TEDC1: variants seen among roughly 807,000 people sequenced by gnomAD.
The protein encoded by TEDC1 is tubulin epsilon and delta complex 1, also known as tubulin epsilon and delta complex protein 1.
Under a neutral mutation model 59.9 loss-of-function variants are expected in TEDC1, and 54 were observed. The observed-to-expected ratio is 0.90, with a 90% CI of 0.72 to 1.13. TEDC1 has a LOEUF of 1.13. Among genes scored for constraint, TEDC1 ranks in the 50% most tolerant of loss-of-function variants. TEDC1 has a pLI of 0.00. For synonymous variants in TEDC1, 353 were observed against 298.1 expected (o/e 1.18, Z -1.90); for missense variants, 734 against 683.4 (o/e 1.07, Z -0.83).
At chr14:105,497,269 G>C in intron 6 of TEDC1, 88 bp from the exon 7 acceptor site, 4 of 1,308,492 alleles carry the variant, frequency 3.1e-6, no homozygotes, top group Non-Finnish European at 4.3e-6. Context: ...GTTGGGCCGG[G>C]TGTCGGCGCT....
chr14:105,493,814 G>A, intron 4 of TEDC1, 21 bp from the exon 5 acceptor site: 1 of 1,582,598 alleles, frequency 6.3e-7, no homozygotes, highest in Non-Finnish European at 8.6e-7. Context: ...CTCAGCCTGG[G>A]GTCTGCACTA....
At chr14:105,490,730 C>T (rs1595467812), upstream of TEDC1, 4 of 411,524 alleles carry the variant, frequency 9.7e-6, no homozygotes, top group East Asian at 1.7e-4. Flanking sequence ...CGCTGTGCGG[C>T]GCGGCGGGCT....
chr14:105,492,210 G>A lies in TEDC1; in HGVS notation c.330G>A (p.Leu110=), dbSNP rs1555439584. Residue 110 remains leucine (L), a synonymous_variant, in exon 3 of 9, where the codon CTG becomes CTA. Coordinates refer to ENST00000392523, the MANE Select transcript of TEDC1 (RefSeq NM_001367178.1). ...PEDGSQGSRE[L]LLALSWLLAR... ...ATGGCTCGCAGGGCAGTCGGGAGCT[G>A]CTGCTGGCTCTGTCCTGGCTCTTGG... The A allele has an allele frequency of 6.2e-7, 1 of 1,612,588 alleles. No homozygotes were observed. The highest frequency in any genetic ancestry group is 1.1e-5 in the South Asian group (1 of 91,088).
chr14:105,492,537 AG>A, intron 3 of TEDC1, 41 bp from the exon 4 acceptor site: 1 of 1,495,040 alleles, frequency 6.7e-7, no homozygotes, highest in South Asian at 1.2e-5. Flanking sequence ...TCTGGGGGGC[AG>A]GGTGGGGTGG....
intron 2 of TEDC1, among the ~76,000 whole-genome samples, 169 bp downstream of exon 2, chr14:105,491,869 TG>T (rs2084220533): frequency 6.6e-6 from 1 of 152,044 alleles, no homozygotes; most frequent in Non-Finnish European, 1.5e-5. Context: ...CGCCCCCTGA[TG>T]GGCCCTAGCT....
intron 3 of TEDC1, 36 bp downstream of exon 3, chr14:105,492,345 G>A (rs377676869): frequency 7.5e-6 from 12 of 1,594,038 alleles, no homozygotes; most frequent in African/African-American, 1.3e-5. Context: ...GCCAGCCCTG[G>A]TCTCAACTCC....
In TEDC1 at chr14:105,491,343, G is replaced by C; in HGVS notation, c.-33G>C. 1 of 1,461,956 alleles carries C rather than the reference G, an allele frequency of 6.8e-7. No homozygotes were observed. The highest frequency in any genetic ancestry group is 9.0e-7 in the Non-Finnish European group (1 of 1,111,872). 90.6% of individuals were successfully genotyped at this position (1,461,956 alleles called of 1,614,324 possible). On this transcript the variant is annotated 5_prime_UTR_variant, in exon 1 of 9. Transcript: ENST00000392523. Reference sequence around the variant, plus strand: ...ACGCAGGCCCCGGGCCGCGGCGGAGGCGGGCGATCCGAAAGAGGCTGGTGC... The same window carrying C: ...ACGCAGGCCCCGGGCCGCGGCGGAGCCGGGCGATCCGAAAGAGGCTGGTGC...
At position 105,492,314 on chromosome 14, in the gene TEDC1, G is replaced by T. The variant is rs781900892; in HGVS notation, c.429+5G>T. ...GACGAGATGACTGTGTGCCAGGTGC[G>T]TGTGGGTGAGGGTGAGCTGAGCCAG... On this transcript the variant is annotated splice_donor_5th_base_variant and intron_variant, in intron 3 of 8. Coordinates refer to ENST00000392523, the MANE Select transcript of TEDC1 (RefSeq NM_001367178.1). The T allele has an allele frequency of 1.2e-6, 2 of 1,601,334 alleles. No individual in the cohort carries two copies. Among genetic ancestry groups the T allele is most frequent in the South Asian group, 1.1e-5 (1 of 90,980 alleles).
chr14:105,493,801 C>T (rs782046320), intron 4 of TEDC1, 34 bp from the exon 5 acceptor site: 26 of 1,512,610 alleles, frequency 1.7e-5, no homozygotes, highest in Non-Finnish European at 2.1e-5. Flanking sequence ...TGCTTGACTG[C>T]CACTCAGCCT....
rs74091203 is a variant in TEDC1 at position 105,492,612 on chromosome 14, C to T, written c.463C>T (p.Pro155Ser). Reference sequence around the variant, plus strand: ...CCTGGCCAGCCCTGGCCCACCTGCACCCCACATGGAAGCAGAGGGTCCTGT... The same window carrying T: ...CCTGGCCAGCCCTGGCCCACCTGCATCCCACATGGAAGCAGAGGGTCCTGT... ...EALASPGPPAPHMEAEGPVDV... is the reference protein window; with the variant it reads ...EALASPGPPASHMEAEGPVDV... The change falls in exon 4 of 9, where the codon CCC (proline) becomes TCC (serine). Residue 155 changes from proline (P) to serine (S), a missense_variant. By Grantham distance (74) the Pro-to-Ser change is moderately conservative (BLOSUM62 -1). Coordinates refer to ENST00000392523, the MANE Select transcript of TEDC1 (RefSeq NM_001367178.1). 14 of 1,541,750 alleles carry T rather than the reference C, an allele frequency of 9.1e-6. No homozygotes were observed. The Admixed American group carries it at 2.2e-4, about 24-fold the overall frequency.
At chr14:105,490,945 C>T, upstream of TEDC1, 2 of 1,289,640 alleles carry the variant, frequency 1.6e-6, no homozygotes, top group Non-Finnish European at 2.2e-6. Flanking sequence ...ATTGAGCCTG[C>T]AAGGGCGGAC....
In TEDC1 at chr14:105,499,081, G is replaced by A. The variant is rs1198228681; in HGVS notation, c.*135G>A. 7.2e-6 allele frequency: 7 copies of A among 974,422 alleles called. No homozygotes were observed. Among genetic ancestry groups the A allele is most frequent in the Non-Finnish European group, 1.0e-5 (7 of 676,272 alleles). 60.4% of individuals were successfully genotyped at this position (974,422 alleles called of 1,614,324 possible). On this transcript the variant is annotated 3_prime_UTR_variant, in exon 9 of 9. Transcript: ENST00000392523. ...AGCCCACGTCACATGCTCGCTCCAGGGGTGGGGCTGGGCTGACTCTGGCCG... is the reference window on the plus strand; with the variant it reads ...AGCCCACGTCACATGCTCGCTCCAGAGGTGGGGCTGGGCTGACTCTGGCCG...
At position 105,497,617 on chromosome 14, in the gene TEDC1, C is replaced by T. The variant is rs782340582; in HGVS notation, c.978+174C>T. On this transcript the variant is annotated intron_variant, in intron 7 of 8. Coordinates refer to ENST00000392523, the MANE Select transcript of TEDC1 (RefSeq NM_001367178.1). ...CGCCTTCTGGGGAGGCTCACTGCTGCCCCCGCCCTCAGCTCCATGGCCTTC... is the reference window on the plus strand; with the variant it reads ...CGCCTTCTGGGGAGGCTCACTGCTGTCCCCGCCCTCAGCTCCATGGCCTTC... 8 of 1,093,068 alleles carry T rather than the reference C, an allele frequency of 7.3e-6. No individual in the cohort carries two copies. The South Asian group carries it at 8.2e-5, about 11-fold the overall frequency. 67.7% of individuals were successfully genotyped at this position (1,093,068 alleles called of 1,614,324 possible).
At chr14:105,491,820 C>T (rs1595469588) in intron 2 of TEDC1, 120 bp downstream of exon 2, 1 of 1,200,342 alleles carries the variant, frequency 8.3e-7, no homozygotes, top group Non-Finnish European at 1.2e-6. Context: ...AACACTGACC[C>T]CGCTTGCTCC....
chr14:105,492,410 C>T (rs1412650069), intron 3 of TEDC1, 101 bp downstream of exon 3: 43 of 1,528,630 alleles, frequency 2.8e-5, no homozygotes, highest in Non-Finnish European at 3.5e-5. Context: ...CTTTGCTCCT[C>T]AGGGCAGTCC....
chr14:105,497,703 C>T lies in TEDC1; in HGVS notation c.979-95C>T, dbSNP rs187255042. The T allele has an allele frequency of 2.2e-4, 302 of 1,402,482 alleles. 1 individual carries two copies. The South Asian group carries it at 3.3e-3, about 15-fold the overall frequency. 86.9% of individuals were successfully genotyped at this position (1,402,482 alleles called of 1,614,324 possible). On this transcript the variant is annotated intron_variant, in intron 7 of 8. Transcript: ENST00000392523. ...GTTGCTGAGATGGTGGCATCCAGCC[C>T]GCTGTGGGACCTGGGGGACTACCAC...
intron 6 of TEDC1, 55 bp downstream of exon 6, chr14:105,496,141 G>A: frequency 2.9e-6 from 1 of 347,904 alleles, no homozygotes. Flanking sequence ...GGGGTGGGTG[G>A]GAGGGGGTGG....
chr14:105,491,746 C>G (rs782676442), intron 2 of TEDC1, 46 bp downstream of exon 2: 1 of 1,523,054 alleles, frequency 6.6e-7, no homozygotes, highest in East Asian at 2.5e-5. Context: ...ACTGGCCCCG[C>G]CTACTCCTGT....
chr14:105,490,399 C>CG (rs2084180895), upstream of TEDC1: 1 of 152,250 alleles, frequency 6.6e-6, no homozygotes, highest in Admixed American at 6.5e-5. Context: ...GGGGTCTTCA[C>CG]GAATGCCCGG....
Sources: allele counts gnomAD v4.1 joint callset (sites outside exome capture counted in the v4.1 genomes callset), GRCh38; gene constraint gnomAD v4.1.1; transcripts MANE v1.5; gene names NCBI Gene and HGNC (gene_info 2026-07-23, HGNC 2026-07-21).